Variants in CRY1 observed in about 807,000 individuals in gnomAD.
The protein encoded by CRY1 is cryptochrome-1.
Under a neutral mutation model 76.0 loss-of-function variants are expected in CRY1, and 45 were observed. The observed-to-expected ratio is 0.59, with a 90% CI of 0.47 to 0.76. The LOEUF is 0.76. Among genes scored for constraint, CRY1 ranks in the 30% least tolerant of loss-of-function variants. The pLI is 0.00. For synonymous variants in CRY1, 248 were observed against 244.0 expected, an observed-to-expected ratio of 1.02 and a Z score of -0.15; for missense variants, 587 against 716.4, an observed-to-expected ratio of 0.82 and a Z score of 2.06.
intron 1 of CRY1, among the ~76,000 whole-genome samples, chr12:107,078,159 C>T (rs1468527882): frequency 6.6e-6 from 1 of 152,150 alleles, no homozygotes; most frequent in African/African-American, 2.4e-5. Context: ...ATTTGTACTG[C>T]TTTCAGTTTT....
intron 1 of CRY1, among the ~76,000 whole-genome samples, chr12:107,056,132 C>A (rs1257992102): frequency 2.0e-5 from 3 of 152,082 alleles, no homozygotes; most frequent in Non-Finnish European, 4.4e-5. Flanking sequence ...CCTCACGGTA[C>A]AAGGACAGAA....
chr12:107,086,988 AAAAGAAAGAAACAAAG>A (rs1953410024), intron 1 of CRY1, among the ~76,000 whole-genome samples: 1 of 152,226 alleles, frequency 6.6e-6, no homozygotes, highest in African/African-American at 2.4e-5. Flanking sequence ...AAGAAAAAGA[AAAAGAAAGAAACAAAG>A]AAAGAAAGAA....
chr12:107,082,700 A>G (rs1170933190), intron 1 of CRY1, among the ~76,000 whole-genome samples: 1 of 152,096 alleles, frequency 6.6e-6, no homozygotes, highest in Non-Finnish European at 1.5e-5. Flanking sequence ...AAGCAGTGTT[A>G]AGAGGGAAAT....
intron 1 of CRY1, among the ~76,000 whole-genome samples, chr12:107,046,769 C>T (rs1194002493): frequency 6.6e-6 from 1 of 151,882 alleles, no homozygotes; most frequent in Non-Finnish European, 1.5e-5. Context: ...GAATTTAAGT[C>T]AAAAACTAAA....
chr12:107,023,487 T>C (rs566242817), intron 1 of CRY1, among the ~76,000 whole-genome samples: 1 of 152,214 alleles, frequency 6.6e-6, no homozygotes, highest in East Asian at 1.9e-4. Flanking sequence ...AAAAAGCTGC[T>C]TGGTCTAGAT....
intron 1 of CRY1, among the ~76,000 whole-genome samples, chr12:107,051,640 T>C (rs1432790133): frequency 6.6e-6 from 1 of 152,176 alleles, no homozygotes; most frequent in East Asian, 1.9e-4. Flanking sequence ...GAAGATAATC[T>C]TTGATATGGG....
At chr12:107,042,710 C>T (rs1000032990) in intron 1 of CRY1, among the ~76,000 whole-genome samples, 7 of 152,084 alleles carry the variant, frequency 4.6e-5, no homozygotes, top group Non-Finnish European at 1.0e-4. Flanking sequence ...TAAGGGAGAA[C>T]ACTGGGGTAT....
intron 2 of CRY1, among the ~76,000 whole-genome samples, chr12:107,007,926 G>A (rs985515706): frequency 6.6e-6 from 1 of 152,088 alleles, no homozygotes; most frequent in Non-Finnish European, 1.5e-5. Flanking sequence ...TCCTTCTTGA[G>A]TTCAGTCACG....
chr12:107,077,445 A>G (rs141581463), intron 1 of CRY1, among the ~76,000 whole-genome samples: 3 of 152,274 alleles, frequency 2.0e-5, no homozygotes, highest in African/African-American at 7.2e-5. Context: ...AGGGAGAGAG[A>G]TTTACCCAAG....
intron 1 of CRY1, among the ~76,000 whole-genome samples, chr12:107,051,408 CTTTCA>C (rs1375155379): frequency 1.3e-5 from 2 of 152,084 alleles, no homozygotes; most frequent in African/African-American, 4.8e-5. Context: ...ATCTGAAGCA[CTTTCA>C]TTCACTCATT....
intron 1 of CRY1, among the ~76,000 whole-genome samples, chr12:107,031,387 G>C (rs993593528): frequency 1.0e-5 from 1 of 97,900 alleles, no homozygotes; most frequent in African/African-American, 3.9e-5. Context: ...TTTTTTTTTT[G>C]CTTATTATAC....
chr12:107,067,269 ACTGT>A (rs1156430165), intron 1 of CRY1, among the ~76,000 whole-genome samples: 3 of 152,186 alleles, frequency 2.0e-5, no homozygotes, highest in Non-Finnish European at 2.9e-5. Context: ...GAAAATATTA[ACTGT>A]CTAACTCTTC....
intron 1 of CRY1, chr12:107,049,751 T>C (rs1200205903): frequency 2.0e-5 from 3 of 152,192 alleles, no homozygotes; most frequent in Non-Finnish European, 4.4e-5. Context: ...AGCTTTCCTA[T>C]GTATTTTTAG....
intron 1 of CRY1, among the ~76,000 whole-genome samples, chr12:107,068,508 G>C (rs1953139523): frequency 6.6e-6 from 1 of 152,036 alleles, no homozygotes; most frequent in South Asian, 2.1e-4. Flanking sequence ...ATGTTGGTCA[G>C]GCTGGTCTCA....
intron 3 of CRY1, among the ~76,000 whole-genome samples, chr12:107,003,860 G>A (rs1952340339): frequency 6.9e-6 from 1 of 144,464 alleles, no homozygotes; most frequent in Non-Finnish European, 1.5e-5. Flanking sequence ...AGGCTGGAAT[G>A]CAGTGGTGCT....
At chr12:107,062,581 G>T (rs745543717) in intron 1 of CRY1, among the ~76,000 whole-genome samples, 2 of 152,020 alleles carry the variant, frequency 1.3e-5, no homozygotes, top group South Asian at 4.1e-4. Context: ...TTCTTCTCCT[G>T]GTTTTTCTGT....
At chr12:107,083,432 GAAAATACTCAAT>G (rs1953352553) in intron 1 of CRY1, among the ~76,000 whole-genome samples, 1 of 151,942 alleles carries the variant, frequency 6.6e-6, no homozygotes, top group Non-Finnish European at 1.5e-5. Flanking sequence ...ACATCAATAT[GAAAATACTCAAT>G]AAAATACTGG....
intron 1 of CRY1, among the ~76,000 whole-genome samples, chr12:107,059,009 A>G (rs1185415672): frequency 6.6e-6 from 1 of 152,316 alleles, no homozygotes; most frequent in South Asian, 2.1e-4. Context: ...TTCCTCATCT[A>G]ATAAGTGGAC....
intron 1 of CRY1, among the ~76,000 whole-genome samples, chr12:107,044,418 T>C (rs906753147): frequency 3.3e-5 from 5 of 152,230 alleles, no homozygotes; most frequent in African/African-American, 4.8e-5. Flanking sequence ...TGATGTTCAA[T>C]GCAGCTGGAG....
Sources: allele counts gnomAD v4.1 joint callset (sites outside exome capture counted in the v4.1 genomes callset), GRCh38; gene constraint gnomAD v4.1.1; transcripts MANE v1.5; gene names NCBI Gene and HGNC (gene_info 2026-07-23, HGNC 2026-07-21).